Variants in RHBDD2 observed in about 807,000 individuals in gnomAD.
RHBDD2 encodes the protein rhomboid domain containing 2.
In RHBDD2, 13 loss-of-function variants were observed where a neutral mutation model predicts 21.7. The ratio of observed to expected loss-of-function variants is 0.60; its 90% CI spans 0.39 to 0.95. RHBDD2 has a LOEUF of 0.95. Ranked by LOEUF, RHBDD2 falls within the 40% of genes least tolerant of loss-of-function variation. The pLI, the probability that RHBDD2 is intolerant of heterozygous loss-of-function variation, is 0.00. For missense variants in RHBDD2, 473 were observed against 478.9 expected, an observed-to-expected ratio of 0.99 and a Z score of 0.11; for synonymous variants, 225 against 220.0, an observed-to-expected ratio of 1.02 and a Z score of -0.20.
In RHBDD2 at chr7:75,881,902, G is replaced by A; in HGVS notation, c.252G>A (p.Trp84Ter). The A allele has an allele frequency of 6.2e-7, 1 of 1,614,218 alleles. No homozygotes were observed. Among genetic ancestry groups the A allele is most frequent in the Non-Finnish European group, 8.5e-7 (1 of 1,180,032 alleles). ...TGCTCTGCGGCGCTATCATCATCTG[G>A]CGCTTTGCTGGCAATTTCGAGAGAA... ...ISLLCGAIII[W>*]RFAGNFERTV... Residue 84 changes from tryptophan to a stop codon, truncating the protein, a stop_gained, in exon 2 of 4, where the codon TGG becomes TGA. Transcript: ENST00000006777. LOFTEE classifies it high-confidence loss of function.
rs186519564 is a variant in RHBDD2, at chr7:75,882,601, A to G, written c.586+365A>G. ...TGGCCTCCCAAAGTGCTAGGATTAC[A>G]GGTGTGAGCCACCGTGGCCGAGTCA... On this transcript the variant is annotated intron_variant, in intron 2 of 3. Coordinates refer to ENST00000006777, the MANE Select transcript of RHBDD2 (RefSeq NM_001040456.3). Among the ~76,000 whole-genome samples, 644 of 152,208 alleles carry G rather than the reference A, an allele frequency of 4.2e-3. 2 individuals are homozygous for G. The highest frequency in any genetic ancestry group is 8.3e-3 in the Admixed American group (127 of 15,284).
rs567781771 is a variant in RHBDD2, at chr7:75,888,079, C to T, written c.825C>T (p.Ala275=). ...ACCCTGTGTCCCAGACGCAGCACGC[C>T]AGTGGTCAGAAGCTGGCCTCCTGGC... ...PSHPVSQTQH[A]SGQKLASWPS... The change falls in exon 4 of 4, where the codon GCC becomes GCT. Residue 275 remains alanine (A), a synonymous_variant. Transcript: ENST00000006777. 1.2e-6 allele frequency: 2 copies of T among 1,613,712 alleles called. No homozygotes were observed. The highest frequency in any genetic ancestry group is 1.7e-6 in the Non-Finnish European group (2 of 1,180,046).
rs1554543152 is a variant in RHBDD2 at position 75,883,859 on chromosome 7, G to A, written c.737+11G>A. 1 of 1,597,300 alleles carries A rather than the reference G, an allele frequency of 6.3e-7. No homozygotes were observed. Among genetic ancestry groups the A allele is most frequent in the African/African-American group, 1.4e-5 (1 of 73,880 alleles). On this transcript the variant is annotated intron_variant, in intron 3 of 3. Coordinates refer to ENST00000006777, the MANE Select transcript of RHBDD2 (RefSeq NM_001040456.3). ...AGCCCAGAGCCGGAAGTAAGTGACA[G>A]AACTCTTAAGTGCTGTTAAATCTTT...
Position 75,879,127 on chromosome 7 carries a change from C to T in RHBDD2, c.45C>T (p.Pro15=), listed in dbSNP as rs190871206. 4,784 of 1,431,742 alleles carry T rather than the reference C, an allele frequency of 3.3e-3. 9 individuals carry two copies. Among genetic ancestry groups the T allele is most frequent in the Non-Finnish European group, 4.1e-3 (4,403 of 1,083,910 alleles). The allele number at this position is 1,431,742 out of a possible 1,614,324, so 88.7% of individuals were successfully genotyped here. Residue 15 remains proline, a synonymous_variant, in exon 1 of 4, where the codon CCC becomes CCT. Transcript: ENST00000006777. ...GGTGTCGCAGCTGGTGCTTGTGTCC[C>T]GAGGTGCCATCCGCCACCTTCTTCA... The part of the protein sequence containing the change: ...GPGCRSWCLC[P]EVPSATFFTA...
At chr7:75,882,348 A>C (rs1360948892) in intron 2 of RHBDD2, 112 bp downstream of exon 2, 8 of 1,030,834 alleles carry the variant, frequency 7.8e-6, no homozygotes, top group Non-Finnish European at 1.4e-6. Context: ...TTTTTTCGAA[A>C]CAGAGTCTCT....
intron 3 of RHBDD2, among the ~76,000 whole-genome samples, chr7:75,885,397 A>G (rs1434947035): frequency 2.0e-5 from 3 of 151,134 alleles, no homozygotes; most frequent in African/African-American, 7.3e-5. Context: ...TTAGGAGGCC[A>G]CCTCCCTCCC....
At chr7:75,885,257 C>T (rs1235058618) in intron 3 of RHBDD2, among the ~76,000 whole-genome samples, 1 of 152,144 alleles carries the variant, frequency 6.6e-6, no homozygotes, top group African/African-American at 2.4e-5. Flanking sequence ...GCTGGTAAGC[C>T]GCCAGAGCTT....
chr7:75,887,134 A>ATT lies in RHBDD2; in HGVS notation c.738-837_738-836dup, dbSNP rs528254017. 9.6e-3 allele frequency among the ~76,000 whole-genome samples: 1,189 copies of ATT among 124,236 alleles called. 27 individuals are homozygous for ATT. Among genetic ancestry groups the ATT allele is most frequent in the African/African-American group, 0.034 (1,105 of 32,034 alleles). The allele number at this position is 124,236 out of a possible 152,430, so 81.5% of individuals were successfully genotyped here. The stretch of plus-strand genomic sequence containing the variant: ...CCTCAGAGGCTCTTGTTGATAGATA[A>ATT]TTTTTTTTTTTTTTTTTTTTTTACA... On this transcript the variant is annotated intron_variant, in intron 3 of 3. Transcript: ENST00000006777.
Position 75,881,872 on chromosome 7 carries a change from C to G in RHBDD2, c.222C>G (p.Ile74Met). The change falls in exon 2 of 4, where the codon ATC (isoleucine) becomes ATG (methionine). Residue 74 changes from isoleucine to methionine, a missense_variant. Coordinates refer to ENST00000006777, the MANE Select transcript of RHBDD2 (RefSeq NM_001040456.3). ...ACATCTTTGTCTACGAGAATCCCAT[C>G]TCCCTGCTCTGCGGCGCTATCATCA... is the stretch of plus-strand genomic sequence containing the variant. ...VTYIFVYENP[I>M]SLLCGAIIIW... 1 of 1,613,244 alleles carries G rather than the reference C, an allele frequency of 6.2e-7. No individual in the cohort carries two copies. The highest frequency in any genetic ancestry group is 1.1e-5 in the South Asian group (1 of 90,956).
intron 3 of RHBDD2, among the ~76,000 whole-genome samples, chr7:75,886,611 G>A (rs781958500): frequency 5.3e-5 from 8 of 151,986 alleles, no homozygotes; most frequent in Non-Finnish European, 1.0e-4. Context: ...TCAGGAGATC[G>A]AGACCATCCT....
At chr7:75,886,011 C>T (rs74716070) in intron 3 of RHBDD2, among the ~76,000 whole-genome samples, 83 of 152,266 alleles carry the variant, frequency 5.5e-4, no homozygotes, top group Admixed American at 1.4e-3. Context: ...GAATTATAGG[C>T]GCGTGCCACT....
chr7:75,883,636 C>T (rs1292527725), intron 2 of RHBDD2, 62 bp from the exon 3 acceptor site: 17 of 1,466,460 alleles, frequency 1.2e-5, no homozygotes, highest in East Asian at 2.3e-5. Context: ...GTGTTCTCCC[C>T]GGGGAGTGTT....
Position 75,879,101 on chromosome 7 carries a change from G to T in RHBDD2, c.19G>T (p.Gly7Trp). MAASGP[G>W]CRSWCLCPEV... ...GGCGGCCATGGCGGCCTCGGGGCCC[G>T]GGTGTCGCAGCTGGTGCTTGTGTCC... Residue 7 changes from glycine to tryptophan, a missense_variant, in exon 1 of 4, where the codon GGG becomes TGG. Coordinates refer to ENST00000006777, the MANE Select transcript of RHBDD2 (RefSeq NM_001040456.3). 7.3e-7 allele frequency: 1 copy of T among 1,367,774 alleles called. No individual in the cohort carries two copies. Among genetic ancestry groups the T allele is most frequent in the Non-Finnish European group, 9.5e-7 (1 of 1,052,768 alleles). 84.7% of individuals were successfully genotyped at this position (1,367,774 alleles called of 1,614,324 possible).
chr7:75,888,108 C>T lies in RHBDD2; in HGVS notation c.854C>T (p.Ser285Phe), dbSNP rs1554544403. ...GGTCAGAAGCTGGCCTCCTGGCCCTCCTGCACCCCCGGGCACATGCCCACC... is the reference window on the plus strand; with the variant it reads ...GGTCAGAAGCTGGCCTCCTGGCCCTTCTGCACCCCCGGGCACATGCCCACC... ...ASGQKLASWP[S>F]CTPGHMPTLP... The change falls in exon 4 of 4, where the codon TCC becomes TTC. Residue 285 changes from serine (S) to phenylalanine (F), a missense_variant. Transcript: ENST00000006777. 3 of 1,613,688 alleles carry T rather than the reference C, an allele frequency of 1.9e-6. No homozygotes were observed. The South Asian group carries it at 3.3e-5, about 18-fold the overall frequency.
chr7:75,880,665 C>T (rs782624857), intron 1 of RHBDD2, among the ~76,000 whole-genome samples: 4 of 152,086 alleles, frequency 2.6e-5, no homozygotes, highest in Non-Finnish European at 5.9e-5. Flanking sequence ...GTTCTTTGGT[C>T]TCTCTCCTTG....
intron 2 of RHBDD2, 143 bp downstream of exon 2, chr7:75,882,379 G>A (rs1805386854): frequency 1.3e-6 from 1 of 777,796 alleles, no homozygotes; most frequent in Admixed American, 3.0e-5. Flanking sequence ...CTGGAGTGCA[G>A]TGGCAGGATC....
rs1805176812 is a variant in RHBDD2, at chr7:75,879,325, C to T, written c.178+65C>T. 1.0e-5 allele frequency: 14 copies of T among 1,369,338 alleles called. No homozygotes were observed. The South Asian group carries it at 2.1e-4, about 21-fold the overall frequency. 84.8% of individuals were successfully genotyped at this position (1,369,338 alleles called of 1,614,324 possible). A position where few individuals can be genotyped will look rare whatever the true frequency, so the allele number is the denominator to read the frequency against. ...TCCTCCGACTTTGCCGGTTCCTGGG[C>T]TCTAGCCTCCGGGACTCGCCCCTTC... On this transcript the variant is annotated intron_variant, in intron 1 of 3. Transcript: ENST00000006777.
chr7:75,887,753 C>T (rs1157489269), intron 3 of RHBDD2, among the ~76,000 whole-genome samples: 1 of 152,130 alleles, frequency 6.6e-6, no homozygotes, highest in Non-Finnish European at 1.5e-5. Flanking sequence ...GTCTCAGTGG[C>T]AGGTCCAGTG....
In RHBDD2 at chr7:75,882,006, C is replaced by G. The variant is rs571647764; in HGVS notation, c.356C>G (p.Ala119Gly). The G allele has an allele frequency of 6.2e-7, 1 of 1,614,226 alleles. No homozygotes were observed. The highest frequency in any genetic ancestry group is 2.2e-5 in the East Asian group (1 of 44,882). The change falls in exon 2 of 4, where the codon GCT (alanine) becomes GGT (glycine). Residue 119 changes from alanine (A) to glycine (G), a missense_variant. Transcript: ENST00000006777. Reference sequence around the variant, plus strand: ...GCTATCATCTTCCTGTCATTCGAGGCTGTGTCATCACTGTCAAAGCTGGGG... The same window carrying G: ...GCTATCATCTTCCTGTCATTCGAGGGTGTGTCATCACTGTCAAAGCTGGGG... ...FSAIIFLSFE[A>G]VSSLSKLGEV...
Sources: allele counts gnomAD v4.1 joint callset (sites outside exome capture counted in the v4.1 genomes callset), GRCh38; gene constraint gnomAD v4.1.1; transcripts MANE v1.5; gene names NCBI Gene and HGNC (gene_info 2026-07-23, HGNC 2026-07-21).